The following EEFSEC variants were observed in gnomAD, a reference collection of about 807,000 sequenced individuals.
EEFSEC encodes eukaryotic elongation factor, selenocysteine-tRNA specific, also known as selenocysteine-specific elongation factor.
In EEFSEC, 43 loss-of-function variants were observed where a neutral mutation model predicts 42.1. The ratio of observed to expected loss-of-function variants is 1.02; its 90% CI spans 0.80 to 1.32. EEFSEC has a LOEUF of 1.32. EEFSEC is among the 40% of genes most tolerant of loss of function. EEFSEC has a pLI of 0.00. For missense variants in EEFSEC, 745 were observed against 803.6 expected (o/e 0.93, Z 0.88); for synonymous variants, 354 against 339.1 (o/e 1.04, Z -0.48).
intron 4 of EEFSEC, among the ~76,000 whole-genome samples, chr3:128,309,076 C>T (rs1407133450): frequency 1.3e-5 from 2 of 152,224 alleles, no homozygotes; most frequent in Non-Finnish European, 2.9e-5. Context: ...AGACTGCCTT[C>T]GCCCATGAGC....
At chr3:128,275,870 G>A (rs1053307440) in intron 4 of EEFSEC, among the ~76,000 whole-genome samples, 6 of 152,216 alleles carry the variant, frequency 3.9e-5, no homozygotes, top group East Asian at 1.9e-4. Context: ...TTGGAAGGCC[G>A]AGTCTAGAAG....
At chr3:128,321,134 G>A (rs1454639420) in intron 4 of EEFSEC, among the ~76,000 whole-genome samples, 2 of 152,172 alleles carry the variant, frequency 1.3e-5, no homozygotes, top group Non-Finnish European at 2.9e-5. Flanking sequence ...TGGAGCTTCA[G>A]AGAGACTGGG....
chr3:128,182,802 C>T (rs1451947430), intron 1 of EEFSEC, among the ~76,000 whole-genome samples: 2 of 151,018 alleles, frequency 1.3e-5, no homozygotes, highest in African/African-American at 4.9e-5. Flanking sequence ...GGGCTCCCAC[C>T]AGCCCTGCTG....
chr3:128,396,806 A>G (rs1326615816), intron 6 of EEFSEC, among the ~76,000 whole-genome samples: 1 of 152,228 alleles, frequency 6.6e-6, no homozygotes. Context: ...AGGTGCAGCA[A>G]ACATTAGCTG....
chr3:128,329,647 C>A (rs60349557), intron 4 of EEFSEC, among the ~76,000 whole-genome samples: 4,702 of 152,264 alleles, frequency 0.031, 229 homozygotes, highest in African/African-American at 0.1. Context: ...ACCATCGGGC[C>A]TCTAGGCCAT....
At chr3:128,252,672 A>G (rs2066199812) in intron 2 of EEFSEC, among the ~76,000 whole-genome samples, 1 of 152,224 alleles carries the variant, frequency 6.6e-6, no homozygotes, top group South Asian at 2.1e-4. Context: ...ATTTGTTTAT[A>G]TATCTTTATA....
At chr3:128,283,696 TGCTG>T (rs972107912) in intron 4 of EEFSEC, among the ~76,000 whole-genome samples, 3 of 152,198 alleles carry the variant, frequency 2.0e-5, no homozygotes, top group African/African-American at 4.8e-5. Flanking sequence ...GCCCCAGCTC[TGCTG>T]GCTCATAGAG....
downstream of EEFSEC, among the ~76,000 whole-genome samples, chr3:128,410,970 G>A (rs1167082181): frequency 6.6e-6 from 1 of 152,166 alleles, no homozygotes; most frequent in Non-Finnish European, 1.5e-5. Context: ...CGACTCCCAG[G>A]AGCCTCTGAG....
chr3:128,298,526 A>G (rs1180529421), intron 4 of EEFSEC, among the ~76,000 whole-genome samples: 2 of 152,206 alleles, frequency 1.3e-5, no homozygotes, highest in East Asian at 1.9e-4. Flanking sequence ...GCAGTGTGTA[A>G]TGATCAAATT....
At chr3:128,208,039 C>T (rs1473628234) in intron 1 of EEFSEC, among the ~76,000 whole-genome samples, 1 of 152,050 alleles carries the variant, frequency 6.6e-6, no homozygotes, top group Non-Finnish European at 1.5e-5. Flanking sequence ...ATTTCTTGTC[C>T]CCACTGTTGG....
In EEFSEC at chr3:128,367,369, C is replaced by G. The variant is rs114210381; in HGVS notation, c.1600+8996C>G. The stretch of plus-strand genomic sequence containing the variant: ...TGCCATGAGATCTTACAGTAGGACC[C>G]CAACCGAGTCTGGGCTTGGGAAGGC... On this transcript the variant is annotated intron_variant, in intron 6 of 6. Coordinates refer to ENST00000254730, the MANE Select transcript of EEFSEC (RefSeq NM_021937.5). 1.5e-3 allele frequency among the ~76,000 whole-genome samples: 221 copies of G among 152,338 alleles called. 1 individual carries two copies. Among genetic ancestry groups the G allele is most frequent in the African/African-American group, 5.0e-3 (210 of 41,586 alleles).
In EEFSEC at chr3:128,257,979, G is replaced by A. The variant is rs186315598; in HGVS notation, c.525-4149G>A. Among the ~76,000 whole-genome samples, 9 of 152,276 alleles carry A rather than the reference G, an allele frequency of 5.9e-5. No individual in the cohort carries two copies. In the East Asian group the frequency reaches 1.7e-3, roughly 29 times the overall value. On this transcript the variant is annotated intron_variant, in intron 2 of 6. Transcript: ENST00000254730. The stretch of plus-strand genomic sequence containing the variant: ...TACCTTTTATTTGTGGAATGTGGTG[G>A]TTTTCCATTTAGATAGTGGCATGAA...
chr3:128,264,909 C>T (rs2066337520), intron 4 of EEFSEC, 128 bp downstream of exon 4: 12 of 1,156,594 alleles, frequency 1.0e-5, no homozygotes, highest in Admixed American at 8.3e-5. Context: ...CCTGCTCCGC[C>T]CCACCTCCCC....
At position 128,262,233 on chromosome 3, in the gene EEFSEC, A is replaced by C. The variant is rs370162790; in HGVS notation, c.621+9A>C. ...TTCCAGAGCTCATTGAGGTACTGTC[A>C]TCTTGAATCCAGGTTGCCCTTTAGC... is the stretch of plus-strand genomic sequence containing the variant. On this transcript the variant is annotated intron_variant, in intron 3 of 6. Coordinates refer to ENST00000254730, the MANE Select transcript of EEFSEC (RefSeq NM_021937.5). The C allele has an allele frequency of 1.7e-5, 28 of 1,613,604 alleles. No homozygotes were observed. Among genetic ancestry groups the C allele is most frequent in the Non-Finnish European group, 2.1e-5 (25 of 1,179,702 alleles).
chr3:128,345,663 G>A (rs954281578), intron 5 of EEFSEC, among the ~76,000 whole-genome samples: 2 of 152,232 alleles, frequency 1.3e-5, no homozygotes, highest in East Asian at 1.9e-4. Context: ...TCGGGGCAAG[G>A]CCAGCACATC....
At chr3:128,328,369 C>T (rs1038912242) in intron 4 of EEFSEC, among the ~76,000 whole-genome samples, 7 of 152,136 alleles carry the variant, frequency 4.6e-5, no homozygotes, top group Non-Finnish European at 8.8e-5. Context: ...AAGCCACATG[C>T]GCCGTCCAGA....
intron 2 of EEFSEC, among the ~76,000 whole-genome samples, chr3:128,258,829 C>T (rs936458979): frequency 7.9e-5 from 12 of 152,158 alleles, no homozygotes; most frequent in African/African-American, 2.9e-4. Context: ...AATATATGTT[C>T]CCTGATCCTT....
the EEFSEC span, among the ~76,000 whole-genome samples, chr3:128,422,841 C>T: frequency 1.3e-5 from 2 of 152,222 alleles, no homozygotes; most frequent in African/African-American, 4.8e-5. Flanking sequence ...GTCACCAGAG[C>T]CTTCCTTCAG....
intron 1 of EEFSEC, among the ~76,000 whole-genome samples, chr3:128,245,538 TG>T (rs1205419721): frequency 6.6e-6 from 1 of 152,070 alleles, no homozygotes; most frequent in Admixed American, 6.5e-5. Context: ...ACAGGAGGGT[TG>T]GGGCATGCCT....
Sources: gnomAD v4.1 joint callset for allele counts (sites outside exome capture counted in the v4.1 genomes callset) on GRCh38, gnomAD v4.1.1 for gene constraint, MANE v1.5 for transcripts, NCBI Gene and HGNC (gene_info 2026-07-23, HGNC 2026-07-21) for gene names.